Variants in FRMD4A observed in about 807,000 individuals in gnomAD.
FRMD4A encodes the protein FERM domain containing 4A.
A neutral mutation model predicts 129.1 loss-of-function variants in FRMD4A; 29 were observed. The ratio of observed to expected loss-of-function variants is 0.22; its 90% CI spans 0.17 to 0.31. The LOEUF (loss-of-function observed/expected upper bound fraction) is 0.31. Among genes scored for constraint, FRMD4A ranks in the 10% least tolerant of loss-of-function variants. The probability of loss-of-function intolerance (pLI) is 1.00; values close to 1 mark genes in which losing one functional copy is unlikely to be tolerated. For missense variants in FRMD4A, 1,272 were observed against 1,375.8 expected, an observed-to-expected ratio of 0.92 and a Z score of 1.19; for synonymous variants, 634 against 571.6, an observed-to-expected ratio of 1.11 and a Z score of -1.56.
chr10:13,706,451 C>A (rs1340516147), intron 13 of FRMD4A, among the ~76,000 whole-genome samples: 1 of 152,148 alleles, frequency 6.6e-6, no homozygotes, highest in African/African-American at 2.4e-5. Context: ...AACCCTGGTG[C>A]TCTCTGGGGT....
intron 2 of FRMD4A, among the ~76,000 whole-genome samples, chr10:14,129,394 A>G (rs1414985408): frequency 7.6e-6 from 1 of 131,028 alleles, no homozygotes; most frequent in Admixed American, 7.3e-5. Flanking sequence ...ATATATATAT[A>G]TATATATATA....
chr10:14,111,838 G>C (rs187740687), intron 2 of FRMD4A, among the ~76,000 whole-genome samples: 4 of 151,666 alleles, frequency 2.6e-5, no homozygotes, highest in Admixed American at 1.3e-4. Flanking sequence ...GTGCTGTGGA[G>C]GGGGAGGACA....
Position 13,828,535 on chromosome 10 carries a change from C to CTTTCTT in FRMD4A, c.112-17628_112-17627insAAGAAA, listed in dbSNP as rs1554923864. Among the ~76,000 whole-genome samples, 509 of 135,192 alleles carry CTTTCTT rather than the reference C, an allele frequency of 3.8e-3. 4 individuals carry two copies. The highest frequency in any genetic ancestry group is 7.5e-3 in the East Asian group (35 of 4,640). 88.7% of individuals were successfully genotyped at this position (135,192 alleles called of 152,430 possible). A position where few individuals can be genotyped will look rare whatever the true frequency, so the allele number is the denominator to read the frequency against. Reference sequence around the variant, plus strand: ...ACCATGTTTTCTTCTTTCTTTCTTTCTTTTTTTTTTTTTTGAGACGGAGTT... The same window carrying CTTTCTT: ...ACCATGTTTTCTTCTTTCTTTCTTTCTTTCTTTTTTTTTTTTTTTTGAGACGGAGTT... On this transcript the variant is annotated intron_variant, in intron 3 of 24. Transcript: ENST00000357447.
chr10:14,174,488 C>G (rs534540921), intron 2 of FRMD4A, among the ~76,000 whole-genome samples: 2 of 152,306 alleles, frequency 1.3e-5, no homozygotes, highest in South Asian at 4.1e-4. Flanking sequence ...GCTTTGGGCT[C>G]TGTAGCTTGT....
chr10:14,050,775 T>C (rs1450209233), intron 2 of FRMD4A, among the ~76,000 whole-genome samples: 5 of 152,188 alleles, frequency 3.3e-5, no homozygotes, highest in Non-Finnish European at 7.4e-5. Flanking sequence ...GGTGAACCCA[T>C]GGAGGTCCTT....
chr10:13,994,175 A>ATTT (rs549621959), intron 2 of FRMD4A, among the ~76,000 whole-genome samples: 106 of 101,946 alleles, frequency 1.0e-3, no homozygotes, highest in Non-Finnish European at 1.3e-3. Context: ...CGCCCAGCTA[A>ATTT]TTTTTTTTTT....
chr10:13,674,849 A>G, intron 16 of FRMD4A, 62 bp downstream of exon 16: 1 of 1,530,846 alleles, frequency 6.5e-7, no homozygotes, highest in South Asian at 1.1e-5. Context: ...AAATGACATC[A>G]GAAAGATCAG....
At chr10:13,842,748 G>T (rs1011662504) in intron 3 of FRMD4A, among the ~76,000 whole-genome samples, 2 of 152,168 alleles carry the variant, frequency 1.3e-5, no homozygotes, top group Admixed American at 1.3e-4. Flanking sequence ...TTATTTAAAA[G>T]ACTGTCCTTA....
At chr10:14,134,625 G>A (rs1166131911) in intron 2 of FRMD4A, among the ~76,000 whole-genome samples, 3 of 151,138 alleles carry the variant, frequency 2.0e-5, no homozygotes, top group African/African-American at 4.9e-5. Context: ...AGGGATGGAT[G>A]AATGGGTGAA....
At chr10:14,030,865 C>A (rs533604364) in intron 2 of FRMD4A, among the ~76,000 whole-genome samples, 1 of 152,284 alleles carries the variant, frequency 6.6e-6, no homozygotes, top group East Asian at 1.9e-4. Flanking sequence ...CCAATGAGTA[C>A]AAAGCCTCTA....
At chr10:14,217,843 T>G (rs77640796) in intron 2 of FRMD4A, among the ~76,000 whole-genome samples, 3 of 151,988 alleles carry the variant, frequency 2.0e-5, no homozygotes, top group Non-Finnish European at 4.4e-5. Flanking sequence ...TTTTTTTTTT[T>G]GCTTTGAGAC....
intron 6 of FRMD4A, among the ~76,000 whole-genome samples, chr10:13,764,352 A>G (rs543526970): frequency 6.6e-6 from 1 of 151,934 alleles, no homozygotes; most frequent in Non-Finnish European, 1.5e-5. Context: ...TAAAAATACA[A>G]AAATTAGCCT....
chr10:14,166,852 A>C (rs1029726909), intron 2 of FRMD4A, among the ~76,000 whole-genome samples: 1 of 152,240 alleles, frequency 6.6e-6, no homozygotes, highest in African/African-American at 2.4e-5. Flanking sequence ...CCAGTTTATC[A>C]AACCCCATGA....
In FRMD4A at chr10:13,694,087, G is replaced by A. The variant is rs892233565; in HGVS notation, c.976-48C>T. 16 of 1,473,304 alleles carry A rather than the reference G, an allele frequency of 1.1e-5. No individual in the cohort carries two copies. In the African/African-American group the frequency reaches 2.0e-4, roughly 18 times the overall value. 91.3% of individuals were successfully genotyped at this position (1,473,304 alleles called of 1,614,324 possible). ...TCAAAGAAGTGACGCTCACCTTGCG[G>A]AAAGGACAGTCATCCCTCGCCCGCG... On this transcript the variant is annotated intron_variant, in intron 14 of 24. Transcript: ENST00000357447.
intron 18 of FRMD4A, 120 bp downstream of exon 18, chr10:13,665,977 G>T: frequency 1.5e-6 from 1 of 679,750 alleles, no homozygotes; most frequent in Non-Finnish European, 2.6e-6. Context: ...ATGGACAAAT[G>T]AAGGCAGCGG....
chr10:13,793,869 T>A (rs1274090958), intron 5 of FRMD4A, among the ~76,000 whole-genome samples: 1 of 152,170 alleles, frequency 6.6e-6, no homozygotes, highest in African/African-American at 2.4e-5. Flanking sequence ...GGAATTCACC[T>A]ATATAGAGAA....
intron 2 of FRMD4A, among the ~76,000 whole-genome samples, chr10:14,319,058 G>A (rs1385073239): frequency 6.6e-6 from 1 of 152,132 alleles, no homozygotes; most frequent in Non-Finnish European, 1.5e-5. Context: ...AGACTCTAAC[G>A]TTATGGTTCA....
chr10:14,082,601 G>A (rs1835992561), intron 2 of FRMD4A, among the ~76,000 whole-genome samples: 1 of 152,168 alleles, frequency 6.6e-6, no homozygotes, highest in African/African-American at 2.4e-5. Flanking sequence ...GTGGAGCTGA[G>A]GCCCCAGCAC....
At chr10:13,914,796 T>C (rs2094981490) in intron 2 of FRMD4A, among the ~76,000 whole-genome samples, 1 of 151,434 alleles carries the variant, frequency 6.6e-6, no homozygotes, top group Non-Finnish European at 1.5e-5. Flanking sequence ...GCTCATGCAA[T>C]ATTAGTATAT....
Sources: allele counts gnomAD v4.1 joint callset (sites outside exome capture counted in the v4.1 genomes callset), GRCh38; gene constraint gnomAD v4.1.1; transcripts MANE v1.5; gene names NCBI Gene and HGNC (gene_info 2026-07-23, HGNC 2026-07-21).